The following CLVS1 variants were observed in gnomAD, a reference collection of about 807,000 sequenced individuals.
The protein encoded by CLVS1 is clavesin 1.
Under a neutral mutation model 33.1 loss-of-function variants are expected in CLVS1, and 10 were observed. The ratio of observed to expected loss-of-function variants is 0.30; its 90% CI spans 0.19 to 0.51. CLVS1 has a LOEUF of 0.51. CLVS1 is among the 20% of genes least tolerant of loss of function. CLVS1 has a pLI of 0.97. For missense variants in CLVS1, 343 were observed against 433.4 expected, an observed-to-expected ratio of 0.79 and a Z score of 1.85; for synonymous variants, 163 against 166.1, an observed-to-expected ratio of 0.98 and a Z score of 0.14.
chr8:60,967,291 G>A, the CLVS1 span, among the ~76,000 whole-genome samples: 1 of 152,314 alleles, frequency 6.6e-6, no homozygotes, highest in Non-Finnish European at 1.5e-5. Context: ...AGCATATAAT[G>A]AATGCCCAAA....
intron 3 of CLVS1, among the ~76,000 whole-genome samples, chr8:61,410,233 G>GTTTTGT (rs926588507): frequency 6.6e-5 from 10 of 151,886 alleles, no homozygotes; most frequent in South Asian, 2.1e-4. Context: ...AGTGTGAGAT[G>GTTTTGT]TTTTGTTTTT....
chr8:61,439,428 G>C (rs1336553306), intron 3 of CLVS1, among the ~76,000 whole-genome samples: 8 of 152,166 alleles, frequency 5.3e-5, no homozygotes, highest in Non-Finnish European at 1.5e-5. Context: ...TCCATTGTTT[G>C]AACTCAGTTC....
At chr8:61,031,655 T>C in the CLVS1 span, among the ~76,000 whole-genome samples, 1 of 152,168 alleles carries the variant, frequency 6.6e-6, no homozygotes, top group Admixed American at 6.5e-5. Context: ...GCAGAGGAAA[T>C]AAACAAATTG....
At position 61,255,055 on chromosome 8, in the gene CLVS1, C is replaced by T. The variant is rs1051720843; in HGVS notation, c.-151-44622C>T. On this transcript the variant is annotated intron_variant, in intron 2 of 2. Coordinates refer to the CLVS1 transcript ENST00000522621. ...ATTCGGCCATCTTGGCTTCACCCCC[C>T]TATTTGTGGTTTTTTGTATATTTTT... Among the ~76,000 whole-genome samples the T allele has an allele frequency of 5.3e-5, 8 of 152,256 alleles. No homozygotes were observed. In the South Asian group the frequency reaches 6.2e-4, roughly 12 times the overall value.
chr8:61,220,258 C>T (rs912146730), intron 2 of CLVS1, among the ~76,000 whole-genome samples: 1 of 152,238 alleles, frequency 6.6e-6, no homozygotes, highest in Non-Finnish European at 1.5e-5. Flanking sequence ...AAAGGTATTG[C>T]CTAAGTTTTC....
intron 1 of CLVS1, among the ~76,000 whole-genome samples, chr8:61,116,427 A>G (rs2129289054): frequency 6.6e-6 from 1 of 152,292 alleles, no homozygotes; most frequent in South Asian, 2.1e-4. Flanking sequence ...TTGGCGTTTT[A>G]GACAGGAAGT....
chr8:61,200,115 C>G lies in CLVS1; in HGVS notation c.-152+68255C>G, dbSNP rs184552928. The stretch of plus-strand genomic sequence containing the variant: ...AAATTTTCCATGGAAAAAACAAGTG[C>G]ACATTTATTTTTTATTTTTTGAGAT... On this transcript the variant is annotated intron_variant, in intron 2 of 2. Transcript: ENST00000522621. Among the ~76,000 whole-genome samples the G allele has an allele frequency of 1.6e-3, 237 of 152,080 alleles. 1 individual carries two copies. Among genetic ancestry groups the G allele is most frequent in the African/African-American group, 5.5e-3 (230 of 41,444 alleles).
At chr8:61,302,023 C>A (rs979614462) in intron 2 of CLVS1, among the ~76,000 whole-genome samples, 6 of 152,112 alleles carry the variant, frequency 3.9e-5, no homozygotes, top group Admixed American at 3.3e-4. Context: ...AATATATCAA[C>A]CCCCATAACC....
Position 61,163,596 on chromosome 8 carries a change from C to T in CLVS1, c.-152+31736C>T, listed in dbSNP as rs563426514. On this transcript the variant is annotated intron_variant, in intron 2 of 2. Transcript: ENST00000522621. The stretch of plus-strand genomic sequence containing the variant: ...TCCCAAGATGGCAGCAAGCCTTTTG[C>T]TCTGTAACCTGGGGTTCTTGGCCTC... Among the ~76,000 whole-genome samples the T allele has an allele frequency of 1.2e-4, 18 of 152,308 alleles. No individual in the cohort carries two copies. The South Asian group carries it at 3.3e-3, about 28-fold the overall frequency.
intron 1 of CLVS1, among the ~76,000 whole-genome samples, chr8:61,065,412 G>A (rs556867149): frequency 6.6e-6 from 1 of 152,180 alleles, no homozygotes; most frequent in South Asian, 2.1e-4. Flanking sequence ...ACAGAGGGCC[G>A]ACTGTACTGC....
the CLVS1 span, among the ~76,000 whole-genome samples, chr8:60,971,373 C>G: frequency 6.6e-6 from 1 of 152,174 alleles, no homozygotes; most frequent in African/African-American, 2.4e-5. Flanking sequence ...GCCACTGTGC[C>G]CGGCCTACTT....
intron 2 of CLVS1, among the ~76,000 whole-genome samples, chr8:61,361,867 G>A (rs1812994185): frequency 6.6e-6 from 1 of 152,158 alleles, no homozygotes; most frequent in African/African-American, 2.4e-5. Flanking sequence ...GTTGCAATAG[G>A]AAGTAAAGGC....
chr8:61,232,251 C>T lies in CLVS1; in HGVS notation c.-151-67426C>T, dbSNP rs372640452. On this transcript the variant is annotated intron_variant, in intron 2 of 2. Coordinates refer to the CLVS1 transcript ENST00000522621. The stretch of plus-strand genomic sequence containing the variant: ...CGGGGTTTCACCATGTTAGCCAGGA[C>T]GGTCTCGATCTCCTGACCTCGTGAT... Among the ~76,000 whole-genome samples the T allele has an allele frequency of 8.6e-5, 13 of 151,500 alleles. No individual in the cohort carries two copies. The South Asian group carries it at 1.5e-3, about 17-fold the overall frequency.
At chr8:61,292,205 C>G (rs1810019340) in intron 1 of CLVS1, 1 of 364,202 alleles carries the variant, frequency 2.7e-6, no homozygotes, top group Admixed American at 3.1e-5. Context: ...ACTCCATGTT[C>G]TGAAGAAATA....
At chr8:61,482,407 C>T (rs143940068) in intron 5 of CLVS1, among the ~76,000 whole-genome samples, 13,168 of 152,162 alleles carry the variant, frequency 0.087, 632 homozygotes, top group Non-Finnish European at 0.12. Context: ...CAAACTTCTC[C>T]GAGCTAAAGG....
chr8:61,401,728 C>G (rs1814770002), intron 3 of CLVS1, among the ~76,000 whole-genome samples: 1 of 151,956 alleles, frequency 6.6e-6, no homozygotes, highest in Non-Finnish European at 1.5e-5. Flanking sequence ...CATATGGAAC[C>G]AAAAAAGAAC....
chr8:61,318,951 T>C (rs1333349287), intron 2 of CLVS1, among the ~76,000 whole-genome samples: 1 of 152,138 alleles, frequency 6.6e-6, no homozygotes, highest in African/African-American at 2.4e-5. Context: ...ATAGTTTTTA[T>C]TCTTATAATT....
chr8:61,061,786 C>G (rs1804587676), intron 1 of CLVS1, among the ~76,000 whole-genome samples: 1 of 151,496 alleles, frequency 6.6e-6, no homozygotes, highest in Non-Finnish European at 1.5e-5. Flanking sequence ...AAAACCCAAC[C>G]CAAACTGGCT....
chr8:60,972,113 C>T, the CLVS1 span, among the ~76,000 whole-genome samples: 2,992 of 152,252 alleles, frequency 0.02, 50 homozygotes, highest in Middle Eastern at 0.041. Context: ...GCCTCTCTGT[C>T]TCTGTCTTTG....
Sources: gnomAD v4.1 joint callset for allele counts (sites outside exome capture counted in the v4.1 genomes callset) on GRCh38, gnomAD v4.1.1 for gene constraint, MANE v1.5 for transcripts, NCBI Gene and HGNC (gene_info 2026-07-23, HGNC 2026-07-21) for gene names.